IDNK: variants seen among roughly 807,000 people sequenced by gnomAD.
IDNK encodes the protein gluconokinase.
In IDNK, 9 loss-of-function variants were observed where a neutral mutation model predicts 13.0. That is an observed-to-expected ratio of 0.69 (90% CI 0.42 to 1.21). The LOEUF is 1.21. IDNK is among the 50% of genes most tolerant of loss of function. The pLI is 0.00. For missense variants in IDNK, 210 were observed against 237.8 expected (o/e 0.88, Z 0.77); for synonymous variants, 92 against 94.9 (o/e 0.97, Z 0.18).
chr9:83,632,659 G>A (rs566554054), intron 3 of IDNK, among the ~76,000 whole-genome samples: 1 of 152,052 alleles, frequency 6.6e-6, no homozygotes, highest in South Asian at 2.1e-4. Flanking sequence ...AGTAGGGTTT[G>A]CGGGCTGTGT....
At chr9:83,641,614 C>A in intron 4 of IDNK, 23 bp downstream of exon 4, 1 of 1,612,636 alleles carries the variant, frequency 6.2e-7, no homozygotes, top group South Asian at 1.1e-5. Flanking sequence ...CAGGCCTTGG[C>A]ATAAGCCAAA....
At chr9:83,634,219 T>C (rs1466234084) in intron 3 of IDNK, among the ~76,000 whole-genome samples, 1 of 152,234 alleles carries the variant, frequency 6.6e-6, no homozygotes, top group African/African-American at 2.4e-5. Flanking sequence ...TTTCCAACCC[T>C]CTCTATTGTT....
chr9:83,643,975 A>G lies in IDNK; in HGVS notation c.*195A>G. The G allele has an allele frequency of 1.9e-6, 1 of 527,092 alleles. No homozygotes were observed. 32.7% of individuals were successfully genotyped at this position (527,092 alleles called of 1,614,324 possible). On this transcript the variant is annotated 3_prime_UTR_variant, in exon 5 of 5. Coordinates refer to ENST00000376419, the MANE Select transcript of IDNK (RefSeq NM_001001551.4). ...ATCAGGAAGCAGAGGGGGAGTTTTA[A>G]AAGTCAAGCTTAAATTGAAGTTTAA...
chr9:83,623,309 T>G (rs1429959825), intron 1 of IDNK, 88 bp downstream of exon 1: 2 of 1,173,892 alleles, frequency 1.7e-6, no homozygotes, highest in Non-Finnish European at 2.3e-6. Flanking sequence ...GCCGGTGGAC[T>G]GGGGTCTTGG....
intron 3 of IDNK, among the ~76,000 whole-genome samples, chr9:83,629,433 AAT>A (rs1275983560): frequency 3.3e-5 from 5 of 152,280 alleles, no homozygotes; most frequent in Non-Finnish European, 5.9e-5. Context: ...ATCAAGACCA[AAT>A]ACTTACACTG....
At chr9:83,626,790 C>G (rs1830864321) in intron 1 of IDNK, 2 of 1,168,256 alleles carry the variant, frequency 1.7e-6, no homozygotes, top group African/African-American at 3.3e-5. Context: ...CCGGGATGGT[C>G]TACTCATCCG....
At chr9:83,628,773 G>T (rs368019865) in intron 2 of IDNK, 100 bp from the exon 3 acceptor site, 2 of 802,558 alleles carry the variant, frequency 2.5e-6, no homozygotes, top group South Asian at 1.5e-5. Flanking sequence ...GGAACCAGGC[G>T]GGTGGTATTG....
At chr9:83,635,056 A>G (rs1239637541) in intron 3 of IDNK, among the ~76,000 whole-genome samples, 8 of 152,158 alleles carry the variant, frequency 5.3e-5, no homozygotes, top group Non-Finnish European at 1.5e-5. Context: ...TAAAGCCTTA[A>G]AAGTCCCATC....
At chr9:83,633,022 T>A (rs1172172877) in intron 3 of IDNK, among the ~76,000 whole-genome samples, 3 of 152,218 alleles carry the variant, frequency 2.0e-5, no homozygotes, top group African/African-American at 7.2e-5. Flanking sequence ...CTTTTAAGAT[T>A]TACTCTTTCC....
chr9:83,631,861 A>G (rs934151443), intron 3 of IDNK, among the ~76,000 whole-genome samples: 4 of 152,042 alleles, frequency 2.6e-5, no homozygotes, highest in African/African-American at 7.3e-5. Flanking sequence ...GCCACCAGTC[A>G]GTGAGTCTCC....
chr9:83,643,316 T>A (rs1402375252), intron 4 of IDNK, 113 bp from the exon 5 acceptor site: 2 of 764,930 alleles, frequency 2.6e-6, no homozygotes, highest in Non-Finnish European at 4.2e-6. Flanking sequence ...CATTTTCTAA[T>A]GCCTTCCACT....
intron 3 of IDNK, among the ~76,000 whole-genome samples, chr9:83,637,224 T>C (rs1490263983): frequency 6.6e-6 from 1 of 152,266 alleles, no homozygotes; most frequent in African/African-American, 2.4e-5. Flanking sequence ...GGTTAAATAG[T>C]GTGTGCATGG....
intron 3 of IDNK, among the ~76,000 whole-genome samples, chr9:83,633,713 C>T (rs574655936): frequency 2.3e-4 from 35 of 152,234 alleles, no homozygotes; most frequent in African/African-American, 8.2e-4. Flanking sequence ...TATACGATCC[C>T]CACTTTACAA....
intron 3 of IDNK, among the ~76,000 whole-genome samples, chr9:83,635,473 C>T (rs1052998205): frequency 3.3e-5 from 5 of 152,208 alleles, no homozygotes; most frequent in Admixed American, 1.3e-4. Context: ...GCACCATGTC[C>T]GCTGGACAGT....
intron 1 of IDNK, chr9:83,626,625 C>G: frequency 1.0e-6 from 1 of 979,544 alleles, no homozygotes; most frequent in Middle Eastern, 3.1e-4. Flanking sequence ...CCATGTTGGC[C>G]GAGCTAGTCC....
At chr9:83,627,980 T>C in intron 1 of IDNK, 1 of 1,351,922 alleles carries the variant, frequency 7.4e-7, no homozygotes, top group Non-Finnish European at 9.5e-7. Flanking sequence ...AACTAATTAT[T>C]TCTTCATTGA....
At chr9:83,626,964 T>G in intron 1 of IDNK, 3 of 412,842 alleles carry the variant, frequency 7.3e-6, no homozygotes, top group Non-Finnish European at 9.9e-6. Context: ...GGACCTTTGT[T>G]AGGCAACAGT....
chr9:83,623,062 C>T, upstream of IDNK: 1 of 781,666 alleles, frequency 1.3e-6, no homozygotes, highest in Non-Finnish European at 1.8e-6. Flanking sequence ...CGCAGAGGGG[C>T]ACGGCCCTCA....
At chr9:83,635,885 T>C (rs535686034) in intron 3 of IDNK, among the ~76,000 whole-genome samples, 2 of 152,334 alleles carry the variant, frequency 1.3e-5, no homozygotes, top group African/African-American at 4.8e-5. Flanking sequence ...AAATGCTTAT[T>C]CTACGCGGGC....
Sources: allele counts gnomAD v4.1 joint callset (sites outside exome capture counted in the v4.1 genomes callset), GRCh38; gene constraint gnomAD v4.1.1; transcripts MANE v1.5; gene names NCBI Gene and HGNC (gene_info 2026-07-23, HGNC 2026-07-21).